The following LIPH variants were observed in gnomAD, a reference collection of about 807,000 sequenced individuals.
The protein encoded by LIPH is lipase member H.
LIPH carries 32 observed loss-of-function variants against 47.6 expected under a neutral mutation model. That is an observed-to-expected ratio of 0.67 (90% CI 0.51 to 0.90). LIPH has a LOEUF of 0.90. Among genes scored for constraint, LIPH ranks in the 40% least tolerant of loss-of-function variants. LIPH has a pLI of 0.00. For synonymous variants in LIPH, 190 were observed against 195.6 expected (o/e 0.97, Z 0.24); for missense variants, 497 against 541.4 (o/e 0.92, Z 0.81).
In LIPH at chr3:185,522,746, T is replaced by A. The variant is rs1305697728; in HGVS notation, c.718+1325A>T. On this transcript the variant is annotated intron_variant, in intron 5 of 9. Transcript: ENST00000296252. Reference sequence around the variant, plus strand: ...CAGTCAGCTCACTTTTATGTTGCCCTCTAACTCCCCATTTATGTTTTAGAG... The same window carrying A: ...CAGTCAGCTCACTTTTATGTTGCCCACTAACTCCCCATTTATGTTTTAGAG... Among the ~76,000 whole-genome samples, 5 of 152,308 alleles carry A rather than the reference T, an allele frequency of 3.3e-5. No individual in the cohort carries two copies. The East Asian group carries it at 9.6e-4, about 29-fold the overall frequency.
At chr3:185,522,650 A>AAGAAAGG (rs1235808164) in intron 5 of LIPH, among the ~76,000 whole-genome samples, 64 of 142,000 alleles carry the variant, frequency 4.5e-4, no homozygotes, top group Non-Finnish European at 7.7e-4. Flanking sequence ...GAGAGAAAGA[A>AAGAAAGG]AAAGAAAGAA....
chr3:185,534,367 A>T (rs970847674), intron 2 of LIPH, among the ~76,000 whole-genome samples: 1 of 151,988 alleles, frequency 6.6e-6, no homozygotes, highest in South Asian at 2.1e-4. Flanking sequence ...AAAAAAAAAA[A>T]GAAGTTGAGG....
chr3:185,546,813 C>CA, intron 1 of LIPH: 1 of 371,744 alleles, frequency 2.7e-6, no homozygotes, highest in South Asian at 2.1e-5. Flanking sequence ...TAAAAACAAA[C>CA]AAAAAACAAA....
In LIPH at chr3:185,540,018, G is replaced by A. The variant is rs1174367858; in HGVS notation, c.50-4886C>T. The stretch of plus-strand genomic sequence containing the variant: ...TCAAGGACTCCCCATCAGTCTGGCT[G>A]AAATATTCTCAGAACTGTGCTGGGG... On this transcript the variant is annotated intron_variant, in intron 1 of 9. Coordinates refer to ENST00000296252, the MANE Select transcript of LIPH (RefSeq NM_139248.3). 3.9e-5 allele frequency among the ~76,000 whole-genome samples: 6 copies of A among 152,194 alleles called. No individual in the cohort carries two copies. In the South Asian group the frequency reaches 1.0e-3, roughly 26 times the overall value.
chr3:185,529,422 T>C (rs897320681), intron 3 of LIPH, among the ~76,000 whole-genome samples: 8 of 148,504 alleles, frequency 5.4e-5, no homozygotes, highest in Non-Finnish European at 9.0e-5. Context: ...CTTTTTCTTT[T>C]TTTTTTTTTA....
chr3:185,514,190 G>A (rs1288776562), intron 8 of LIPH, among the ~76,000 whole-genome samples: 1 of 151,976 alleles, frequency 6.6e-6, no homozygotes, highest in East Asian at 1.9e-4. Context: ...AAAGGAAGAA[G>A]AGAAGGAGGG....
At chr3:185,523,339 T>C (rs1719966653) in intron 5 of LIPH, among the ~76,000 whole-genome samples, 1 of 152,232 alleles carries the variant, frequency 6.6e-6, no homozygotes, top group Admixed American at 6.5e-5. Context: ...ACCTGTATCT[T>C]CTCAGGAAGT....
chr3:185,526,698 A>T (rs1720106099), intron 4 of LIPH, among the ~76,000 whole-genome samples: 1 of 144,636 alleles, frequency 6.9e-6, no homozygotes, highest in Non-Finnish European at 1.5e-5. Flanking sequence ...TAAAATAAAT[A>T]AAATAAAATA....
chr3:185,511,049 A>T (rs1338520626), intron 9 of LIPH, among the ~76,000 whole-genome samples: 4 of 152,070 alleles, frequency 2.6e-5, no homozygotes, highest in South Asian at 2.1e-4. Context: ...TTTTATTTTT[A>T]AAATTTTTTA....
At chr3:185,531,902 C>T (rs981776102) in intron 3 of LIPH, among the ~76,000 whole-genome samples, 4 of 152,028 alleles carry the variant, frequency 2.6e-5, no homozygotes, top group African/African-American at 4.8e-5. Context: ...TGCAGTGGCA[C>T]GATCATAGCT....
At chr3:185,528,866 A>C (rs1720211329) in intron 3 of LIPH, among the ~76,000 whole-genome samples, 1 of 152,096 alleles carries the variant, frequency 6.6e-6, no homozygotes, top group Admixed American at 6.6e-5. Context: ...ATAAAGATTA[A>C]ACAACAACAA....
chr3:185,532,440 G>GC (rs1475316140), intron 3 of LIPH, among the ~76,000 whole-genome samples: 2 of 151,942 alleles, frequency 1.3e-5, no homozygotes, highest in Admixed American at 6.6e-5. Flanking sequence ...TGCCTGGGGG[G>GC]GCGTTGAGGC....
At position 185,527,505 on chromosome 3, in the gene LIPH, C is replaced by T. The variant is rs372971860; in HGVS notation, c.607G>A (p.Val203Ile). 77 of 1,612,562 alleles carry T rather than the reference C, an allele frequency of 4.8e-5. No individual in the cohort carries two copies. The highest frequency in any genetic ancestry group is 5.7e-5 in the Non-Finnish European group (67 of 1,179,330). Residue 203 changes from valine to isoleucine, a missense_variant, in exon 4 of 10, where the codon GTC becomes ATC. Val to Ile is a conservative substitution (Grantham distance 29). Transcript: ENST00000296252. ...LDPSDAQFVDVIHSDTDALGY... is the reference protein window; with the variant it reads ...LDPSDAQFVDIIHSDTDALGY... ...TTACCATCAGTGTCGGAATGGATGA[C>T]ATCAACAAACTGCGCATCACTGGGA... is the stretch of plus-strand genomic sequence containing the variant.
intron 1 of LIPH, among the ~76,000 whole-genome samples, chr3:185,536,543 G>T (rs1720506403): frequency 6.6e-6 from 1 of 152,000 alleles, no homozygotes; most frequent in Non-Finnish European, 1.5e-5. Flanking sequence ...TTCATCTTGG[G>T]GTCCTTGCCC....
rs763064129 is a variant in LIPH, at chr3:185,508,870, G to GC, written c.1275dup (p.Leu426AlafsTer5). Reference sequence around the variant, plus strand: ...ATCAGGACAAGATCATACCGACACAGCTGAGGCCTGGGAAAATAAGACAAA... The same window carrying GC: ...ATCAGGACAAGATCATACCGACACAGCCTGAGGCCTGGGAAAATAAGACAAA... On this transcript the variant is annotated frameshift_variant, in exon 10 of 10. Transcript: ENST00000296252. 1.9e-6 allele frequency: 3 copies of GC among 1,608,994 alleles called. No individual in the cohort carries two copies. Among genetic ancestry groups the GC allele is most frequent in the Non-Finnish European group, 2.6e-6 (3 of 1,175,376 alleles).
intron 9 of LIPH, among the ~76,000 whole-genome samples, chr3:185,510,635 A>G (rs773141582): frequency 4.6e-5 from 7 of 152,154 alleles, no homozygotes; most frequent in African/African-American, 9.7e-5. Flanking sequence ...AATCTCAGCA[A>G]TTTGGGAGAC....
chr3:185,522,550 AAAGG>A (rs1448758346), intron 5 of LIPH, among the ~76,000 whole-genome samples: 1 of 150,810 alleles, frequency 6.6e-6, no homozygotes, highest in African/African-American at 2.4e-5. Context: ...AGAGAGGAAG[AAAGG>A]AAGGAAGGGA....
At chr3:185,547,820 C>T (rs1720922723) in intron 1 of LIPH, among the ~76,000 whole-genome samples, 1 of 145,654 alleles carries the variant, frequency 6.9e-6, no homozygotes, top group African/African-American at 2.5e-5. Flanking sequence ...AGCAAAACTC[C>T]ATCTCCAAAA....
chr3:185,528,342 G>GAAAGAAAGAAAGAAAGA (rs1720191763), intron 3 of LIPH, among the ~76,000 whole-genome samples: 1 of 150,770 alleles, frequency 6.6e-6, no homozygotes, highest in Non-Finnish European at 1.5e-5. Context: ...AAGAAAGAAA[G>GAAAGAAAGAAAGAAAGA]AAAGAAAGAA....
Sources: gnomAD v4.1 joint callset for allele counts (sites outside exome capture counted in the v4.1 genomes callset) on GRCh38, gnomAD v4.1.1 for gene constraint, MANE v1.5 for transcripts, NCBI Gene and HGNC (gene_info 2026-07-23, HGNC 2026-07-21) for gene names.